Variants in MORC4 observed in about 807,000 individuals in gnomAD.
MORC4 encodes the protein MORC family CW-type zinc finger protein 4.
MORC4 carries 22 observed loss-of-function variants against 65.5 expected under a neutral mutation model. That is an observed-to-expected ratio of 0.34 (90% confidence interval 0.24 to 0.48). The LOEUF (loss-of-function observed/expected upper bound fraction) is 0.48, where lower values mean the gene tolerates loss of function less well. MORC4 is among the 20% of genes least tolerant of loss of function. The pLI is 0.99. For missense variants in MORC4, 624 were observed against 703.0 expected, an observed-to-expected ratio of 0.89 and a Z score of 1.27; for synonymous variants, 267 against 255.8, an observed-to-expected ratio of 1.04 and a Z score of -0.42.
At chrX:106,969,949 AAG>A (rs1934467825) in intron 9 of MORC4, among the ~76,000 whole-genome samples, 1 of 111,985 alleles carries the variant, frequency 8.9e-6, no homozygotes, top group Non-Finnish European at 1.9e-5. Context: ...TCAATAGAAA[AAG>A]AGGGAATCCT....
At chrX:106,960,054 C>T (rs1934196629) in intron 10 of MORC4, among the ~76,000 whole-genome samples, 1 of 112,131 alleles carries the variant, frequency 8.9e-6, no homozygotes, top group African/African-American at 3.2e-5. Context: ...GCTGTTCCAG[C>T]CTTGCAACCT....
intron 3 of MORC4, among the ~76,000 whole-genome samples, chrX:106,990,111 C>T (rs1282273707): frequency 2.0e-5 from 2 of 102,374 alleles, no homozygotes; most frequent in Middle Eastern, 5.8e-3. Flanking sequence ...ATTGCTTGAA[C>T]CCAGGAGGCG....
intron 14 of MORC4, among the ~76,000 whole-genome samples, chrX:106,947,571 T>TTATATATATATATATATATATATTA: frequency 1.3e-5 from 1 of 77,945 alleles, no homozygotes; most frequent in South Asian, 6.2e-4. Flanking sequence ...TATATATATA[T>TTATATATATATATATATATATATTA]TATATATATA....
intron 3 of MORC4, 23 bp from the exon 4 acceptor site, chrX:106,986,223 A>C (rs764549485): frequency 9.0e-7 from 1 of 1,109,750 alleles, no homozygotes; most frequent in East Asian, 3.0e-5. Context: ...AAGAAAAAAC[A>C]AATCAGAAAA....
intron 7 of MORC4, among the ~76,000 whole-genome samples, chrX:106,980,499 T>C (rs1479974717): frequency 1.8e-5 from 2 of 112,053 alleles, no homozygotes; most frequent in Non-Finnish European, 3.8e-5. Context: ...ATCAATTTAA[T>C]ATATATCAAA....
chrX:106,973,760 G>A (rs1344691563), intron 9 of MORC4, among the ~76,000 whole-genome samples: 1 of 111,516 alleles, frequency 9.0e-6, no homozygotes, highest in Non-Finnish European at 1.9e-5. Flanking sequence ...GTCACTACTA[G>A]CTTTGAAGGT....
intron 5 of MORC4, 146 bp from the exon 6 acceptor site, chrX:106,981,623 C>G: frequency 2.2e-6 from 1 of 463,510 alleles, no homozygotes; most frequent in East Asian, 3.8e-5. Flanking sequence ...AAAGGAACTA[C>G]AAACTACTTG....
chrX:106,941,369 G>GGTGAGA lies in MORC4; in HGVS notation c.*104_*109dup, dbSNP rs1555981011. ...TCTCTATATAAGGCATAAAGGTGAG[G>GGTGAGA]GTGAGAGAGAGAGAGAGAGAGAGAG... is the stretch of plus-strand genomic sequence containing the variant. On this transcript the variant is annotated 3_prime_UTR_variant, in exon 17 of 17. Coordinates refer to ENST00000355610, the MANE Select transcript of MORC4 (RefSeq NM_024657.5). 4.7e-6 allele frequency: 2 copies of GGTGAGA among 421,238 alleles called. No homozygotes were observed. Among genetic ancestry groups the GGTGAGA allele is most frequent in the Non-Finnish European group, 7.3e-6 (2 of 273,941 alleles). The allele number at this position is 421,238 out of a possible 1,213,427, so 34.7% of individuals were successfully genotyped here.
At chrX:106,948,670 T>C (rs1439471235) in intron 14 of MORC4, among the ~76,000 whole-genome samples, 1 of 111,984 alleles carries the variant, frequency 8.9e-6, no homozygotes, top group East Asian at 2.8e-4. Flanking sequence ...ATGTATTTAG[T>C]TCACCTTTAT....
At chrX:106,993,863 C>T (rs189101944) in intron 2 of MORC4, among the ~76,000 whole-genome samples, 1 of 112,145 alleles carries the variant, frequency 8.9e-6, no homozygotes, top group Non-Finnish European at 1.9e-5. Context: ...TGTTAAAGAA[C>T]ACAGAGAGTA....
At chrX:106,987,959 C>G (rs1221597552) in intron 3 of MORC4, among the ~76,000 whole-genome samples, 2 of 110,908 alleles carry the variant, frequency 1.8e-5, no homozygotes, top group Non-Finnish European at 3.8e-5. Flanking sequence ...CAGGCATTCC[C>G]ATTTTTCTTG....
intron 1 of MORC4, 32 bp downstream of exon 1, chrX:106,999,836 C>G: frequency 1.2e-6 from 1 of 859,370 alleles, no homozygotes; most frequent in Non-Finnish European, 1.4e-6. Context: ...GGGGCCCGCG[C>G]GCGCGTCCGC....
chrX:106,966,536 G>A (rs1934376553), intron 9 of MORC4, among the ~76,000 whole-genome samples: 1 of 112,631 alleles, frequency 8.9e-6, no homozygotes, highest in Non-Finnish European at 1.9e-5. Context: ...CTAGCCAAGG[G>A]AAGCCGTGAG....
At chrX:106,962,248 C>T in intron 9 of MORC4, 138 bp from the exon 10 acceptor site, 1 of 462,326 alleles carries the variant, frequency 2.2e-6, no homozygotes, top group East Asian at 3.8e-5. Context: ...TTTAAGAAAC[C>T]AAGATGGGAA....
intron 12 of MORC4, 129 bp from the exon 13 acceptor site, chrX:106,956,663 T>A: frequency 1.7e-6 from 1 of 595,641 alleles, no homozygotes; most frequent in Non-Finnish European, 2.7e-6. Flanking sequence ...ATTGAGTAAC[T>A]GAGGGTGCCT....
chrX:106,953,615 T>C (rs1165582214), intron 14 of MORC4, among the ~76,000 whole-genome samples: 2 of 111,550 alleles, frequency 1.8e-5, no homozygotes, highest in South Asian at 7.7e-4. Context: ...CCATTACTTA[T>C]TGAGTACCTA....
intron 9 of MORC4, 72 bp from the exon 10 acceptor site, chrX:106,962,182 CCATTTAA>C: frequency 1.3e-6 from 1 of 755,497 alleles, no homozygotes; most frequent in Non-Finnish European, 2.0e-6. Flanking sequence ...TGAGAAGTTC[CCATTTAA>C]CAGACACCAA....
chrX:106,982,667 A>C (rs1043385009), intron 5 of MORC4, among the ~76,000 whole-genome samples: 1 of 111,707 alleles, frequency 9.0e-6, no homozygotes, highest in African/African-American at 3.3e-5. Flanking sequence ...TGGCATGATC[A>C]TAGCTCACTG....
At chrX:106,994,871 A>G (rs929881009) in intron 2 of MORC4, among the ~76,000 whole-genome samples, 1 of 111,433 alleles carries the variant, frequency 9.0e-6, no homozygotes, top group Non-Finnish European at 1.9e-5. Flanking sequence ...TTTAATTCAC[A>G]TAATAGTTGT....
Sources: allele counts gnomAD v4.1 joint callset (sites outside exome capture counted in the v4.1 genomes callset), GRCh38; gene constraint gnomAD v4.1.1; transcripts MANE v1.5; gene names NCBI Gene and HGNC (gene_info 2026-07-23, HGNC 2026-07-21).